GDF1: variants seen among roughly 807,000 people sequenced by gnomAD.
GDF1 encodes the protein embryonic growth/differentiation factor 1.
Under a neutral mutation model 7.4 loss-of-function variants are expected in GDF1, and 8 were observed. The observed-to-expected ratio is 1.09, with a 90% CI of 0.64 to 1.96. GDF1 has a LOEUF of 1.96. GDF1 is among the 30% of genes most tolerant of loss of function. GDF1 has a pLI of 0.00. For synonymous variants in GDF1, 311 were observed against 276.7 expected (o/e 1.12, Z -1.23); for missense variants, 574 against 551.5 (o/e 1.04, Z -0.41).
At position 18,895,836 on chromosome 19, in the gene GDF1, C is replaced by A. The variant is rs1335963588; in HGVS notation, c.-1086G>T. On this transcript the variant is annotated 5_prime_UTR_variant, in exon 1 of 8. Coordinates refer to ENST00000247005, the MANE Select transcript of GDF1 (RefSeq NM_001492.6). The surrounding 1 kb of genome is among the most constrained non-coding windows in gnomAD (Gnocchi z 6.4). ...CGGCCACACTGACCCGAAAGAGGCG[C>A]GCAGTGGCCGCGGAGCGCAGGGCGG... 1 of 1,293,572 alleles carries A rather than the reference C, an allele frequency of 7.7e-7. No individual in the cohort carries two copies. Among genetic ancestry groups the A allele is most frequent in the South Asian group, 2.0e-5 (1 of 50,902 alleles). The allele number at this position is 1,293,572 out of a possible 1,614,324, so 80.1% of individuals were successfully genotyped here. A position where few individuals can be genotyped will look rare whatever the true frequency, so the allele number is the denominator to read the frequency against.
chr19:18,885,851 G>A (rs1287397128), intron 2 of GDF1, among the ~76,000 whole-genome samples: 1 of 152,092 alleles, frequency 6.6e-6, no homozygotes, highest in African/African-American at 2.4e-5. Flanking sequence ...CTGCCTTGCG[G>A]GTGTCCTGGG....
In GDF1 at chr19:18,878,547, C is replaced by T; in HGVS notation, c.-313+383G>A. 9.7e-7 allele frequency: 1 copy of T among 1,033,000 alleles called. No homozygotes were observed. Among genetic ancestry groups the T allele is most frequent in the Non-Finnish European group, 1.2e-6 (1 of 857,890 alleles). The allele number at this position is 1,033,000 out of a possible 1,614,324, so 64.0% of individuals were successfully genotyped here. A position where few individuals can be genotyped will look rare whatever the true frequency, so the allele number is the denominator to read the frequency against. On this transcript the variant is annotated intron_variant, in intron 6 of 7. Transcript: ENST00000247005. This position sits in a 1 kb window ranked among gnomAD's most constrained non-coding sequence, Gnocchi z 4.6. ...GTTCCTTCCTCCCCAGCCCCACTGCCACCAGCTCCAGTGGCGACATGGGTC... is the reference window on the plus strand; with the variant it reads ...GTTCCTTCCTCCCCAGCCCCACTGCTACCAGCTCCAGTGGCGACATGGGTC...
At chr19:18,893,885 C>T (rs1214318196) in intron 1 of GDF1, among the ~76,000 whole-genome samples, 1 of 149,240 alleles carries the variant, frequency 6.7e-6, no homozygotes, top group African/African-American at 2.5e-5. Flanking sequence ...CGGATGGATG[C>T]GTCAGCCCAA....
intron 2 of GDF1, among the ~76,000 whole-genome samples, chr19:18,889,639 A>C (rs2056445676): frequency 6.6e-6 from 1 of 152,016 alleles, no homozygotes; most frequent in South Asian, 2.1e-4. Flanking sequence ...TATATTCCCA[A>C]GGTTGGTCTC....
At chr19:18,869,526 G>A (rs1441413863) in intron 7 of GDF1, 136 bp from the exon 8 acceptor site, 3 of 1,208,960 alleles carry the variant, frequency 2.5e-6, no homozygotes, top group Non-Finnish European at 2.2e-6. Context: ...AAGCGGCGGG[G>A]TGGGCTGATG....
intron 2 of GDF1, among the ~76,000 whole-genome samples, chr19:18,889,573 C>T (rs186460741): frequency 3.3e-4 from 51 of 152,298 alleles, no homozygotes; most frequent in Admixed American, 9.8e-4. Flanking sequence ...CACAGGCACG[C>T]GCCACCATAT....
chr19:18,891,670 C>T (rs971823744), intron 2 of GDF1, among the ~76,000 whole-genome samples: 2 of 151,924 alleles, frequency 1.3e-5, no homozygotes, highest in Non-Finnish European at 1.5e-5. Context: ...CTCCACCTAC[C>T]GGGTTCAAGC....
Position 18,869,393 on chromosome 19 carries a change from G to A in GDF1, c.326-3C>T. ...CTCCGAGGCCCGGGTGGGCGCACCT[G>A]GGGAGGTAGGAACAGGAACTCGGCT... On this transcript the variant is annotated splice_polypyrimidine_tract_variant and splice_region_variant and intron_variant, in intron 7 of 7. Coordinates refer to ENST00000247005, the MANE Select transcript of GDF1 (RefSeq NM_001492.6). The A allele has an allele frequency of 1.3e-6, 2 of 1,528,358 alleles. No individual in the cohort carries two copies. The highest frequency in any genetic ancestry group is 2.5e-5 in the East Asian group (1 of 40,166). 94.7% of individuals were successfully genotyped at this position (1,528,358 alleles called of 1,614,324 possible).
chr19:18,870,737 G>A lies in GDF1; in HGVS notation c.-312-118C>T, dbSNP rs956969588. On this transcript the variant is annotated intron_variant, in intron 6 of 7. Coordinates refer to ENST00000247005, the MANE Select transcript of GDF1 (RefSeq NM_001492.6). This position sits in a 1 kb window ranked among gnomAD's most constrained non-coding sequence, Gnocchi z 5.1. ...TGGCTCCTTTTACCCGGCCAGGCCC[G>A]GGCCTCGCCTTGTGGCTTCCTCCTC... 2.0e-5 allele frequency: 9 copies of A among 450,744 alleles called. No individual in the cohort carries two copies. Among genetic ancestry groups the A allele is most frequent in the Admixed American group, 8.4e-5 (2 of 23,762 alleles). The allele number at this position is 450,744 out of a possible 1,614,324, so 27.9% of individuals were successfully genotyped here.
In GDF1 at chr19:18,868,886, C is replaced by T. The variant is rs1355088234; in HGVS notation, c.830G>A (p.Arg277His). The T allele has an allele frequency of 7.0e-7, 1 of 1,429,728 alleles. No homozygotes were observed. 88.6% of individuals were successfully genotyped at this position (1,429,728 alleles called of 1,614,324 possible). A position where few individuals can be genotyped will look rare whatever the true frequency, so the allele number is the denominator to read the frequency against. ...CRARRLYVSF[R>H]EVGWHRWVIA... The stretch of plus-strand genomic sequence containing the variant: ...GACCCAGCGGTGCCAGCCCACCTCG[C>T]GGAAGCTCACGTACAGCCGCCGCGC... The change falls in exon 8 of 8, where the codon CGC becomes CAC. Residue 277 changes from arginine (R) to histidine (H), a missense_variant. By Grantham distance (29) the Arg-to-His change is conservative. Coordinates refer to ENST00000247005, the MANE Select transcript of GDF1 (RefSeq NM_001492.6).
intron 4 of GDF1, among the ~76,000 whole-genome samples, chr19:18,879,599 C>A (rs1449581816): frequency 9.9e-5 from 15 of 151,098 alleles, no homozygotes; most frequent in Admixed American, 7.2e-4. Flanking sequence ...CCTGGCCCCC[C>A]ACTTCCCTGC....
intron 7 of GDF1, 143 bp from the exon 8 acceptor site, chr19:18,869,533 G>A: frequency 9.7e-6 from 9 of 926,088 alleles, no homozygotes; most frequent in Non-Finnish European, 1.2e-5. Flanking sequence ...GGGGTGGGCT[G>A]ATGGAGTGGG....
intron 2 of GDF1, among the ~76,000 whole-genome samples, chr19:18,891,383 G>A (rs1014094493): frequency 3.3e-5 from 5 of 152,130 alleles, no homozygotes; most frequent in East Asian, 1.9e-4. Context: ...CAGAGAAGCC[G>A]CAGCCCCCAC....
rs375792108 is a variant in GDF1 at position 18,893,399 on chromosome 19, C to T, written c.-914+17G>A. The T allele has an allele frequency of 2.5e-6, 4 of 1,591,840 alleles. No individual in the cohort carries two copies. The African/African-American group carries it at 5.4e-5, about 21-fold the overall frequency. On this transcript the variant is annotated intron_variant, in intron 2 of 7. Coordinates refer to ENST00000247005, the MANE Select transcript of GDF1 (RefSeq NM_001492.6). ...TTTTAAGCAGAGCCCTCCCGGCCAT[C>T]CCCTCAGGGCCCCTACCGTAGAAGA... is the stretch of plus-strand genomic sequence containing the variant.
chr19:18,873,663 A>T (rs1264596970), intron 6 of GDF1, among the ~76,000 whole-genome samples: 1 of 151,744 alleles, frequency 6.6e-6, no homozygotes, highest in East Asian at 1.9e-4. Flanking sequence ...ACATTGTGAA[A>T]CCTCATCTCT....
At chr19:18,876,674 C>G (rs1174630044) in intron 6 of GDF1, among the ~76,000 whole-genome samples, 1 of 152,106 alleles carries the variant, frequency 6.6e-6, no homozygotes, top group African/African-American at 2.4e-5. Context: ...CGTGAGCCAC[C>G]ACGCCTGGCC....
chr19:18,895,045 G>A lies in GDF1; in HGVS notation c.-1074+779C>T, dbSNP rs2056592104. On this transcript the variant is annotated intron_variant, in intron 1 of 7. Coordinates refer to ENST00000247005, the MANE Select transcript of GDF1 (RefSeq NM_001492.6). The surrounding 1 kb of genome is among the most constrained non-coding windows in gnomAD (Gnocchi z 6.4). ...ATCATGGTCACTCTCTCGCAGGGGC[G>A]ATGGTCTCCGCAGAAACTGGGGAAT... Among the ~76,000 whole-genome samples the A allele has an allele frequency of 6.6e-6, 1 of 152,224 alleles. No homozygotes were observed. Among genetic ancestry groups the A allele is most frequent in the Non-Finnish European group, 1.5e-5 (1 of 68,042 alleles).
chr19:18,886,441 C>G (rs1055545058), intron 2 of GDF1, among the ~76,000 whole-genome samples: 3 of 152,076 alleles, frequency 2.0e-5, no homozygotes, highest in African/African-American at 7.2e-5. Flanking sequence ...CCCAGCTACT[C>G]GGGAGGCTGA....
At position 18,878,995 on chromosome 19, in the gene GDF1, G is replaced by A. The variant is rs767643146; in HGVS notation, c.-378C>T. The A allele has an allele frequency of 4.3e-6, 7 of 1,613,640 alleles. No individual in the cohort carries two copies. Among genetic ancestry groups the A allele is most frequent in the South Asian group, 2.2e-5 (2 of 91,080 alleles). On this transcript the variant is annotated 5_prime_UTR_variant, in exon 6 of 8. In the 5' UTR this introduces an upstream ATG that the reference lacks. Coordinates refer to ENST00000247005, the MANE Select transcript of GDF1 (RefSeq NM_001492.6). The surrounding 1 kb of genome is among the most constrained non-coding windows in gnomAD (Gnocchi z 4.6). ...CATACTCCCGCAGGTCCTTCAGCTC[G>A]TGCACCTGGCCTGTCAACACCTTGG...
Sources: allele counts gnomAD v4.1 joint callset (sites outside exome capture counted in the v4.1 genomes callset), GRCh38; gene constraint gnomAD v4.1.1; non-coding constraint Gnocchi (gnomAD v3.1); transcripts MANE v1.5; gene names NCBI Gene and HGNC (gene_info 2026-07-23, HGNC 2026-07-21).